Variants in CEP135 observed in about 807,000 individuals in gnomAD.
CEP135 encodes the protein centrosomal protein 135, also known as centrosomal protein of 135 kDa.
Under a neutral mutation model 157.3 loss-of-function variants are expected in CEP135, and 142 were observed. The ratio of observed to expected loss-of-function variants is 0.90; its 90% CI spans 0.79 to 1.04. The LOEUF (loss-of-function observed/expected upper bound fraction) is 1.04, where lower values mean the gene tolerates loss of function less well. CEP135 is among the 50% of genes least tolerant of loss of function. CEP135 has a pLI of 0.00. For synonymous variants in CEP135, 396 were observed against 439.8 expected, an observed-to-expected ratio of 0.90 and a Z score of 1.25; for missense variants, 1,317 against 1,309.2, an observed-to-expected ratio of 1.01 and a Z score of -0.09.
At position 55,980,084 on chromosome 4, in the gene CEP135, A is replaced by G. The variant is rs748302539; in HGVS notation, c.1474-59A>G. On this transcript the variant is annotated intron_variant, in intron 11 of 25. Transcript: ENST00000257287. The stretch of plus-strand genomic sequence containing the variant: ...GCATCTTTCAGTCAATCTCATCATC[A>G]GTATCCTTGTGACAACCATGTGGTG... 604 of 1,336,524 alleles carry G rather than the reference A, an allele frequency of 4.5e-4. 2 individuals carry two copies. The highest frequency in any genetic ancestry group is 6.1e-4 in the Non-Finnish European group (575 of 948,330). The allele number at this position is 1,336,524 out of a possible 1,614,324, so 82.8% of individuals were successfully genotyped here.
chr4:56,016,050 A>G (rs1175977266), intron 21 of CEP135, among the ~76,000 whole-genome samples: 1 of 152,214 alleles, frequency 6.6e-6, no homozygotes, highest in East Asian at 1.9e-4. Context: ...AACCTAGTGA[A>G]TGATGGGTGT....
chr4:55,991,865 A>G (rs1729809385), intron 14 of CEP135, 69 bp from the exon 15 acceptor site: 3 of 768,954 alleles, frequency 3.9e-6, no homozygotes, highest in Non-Finnish European at 5.8e-6. Flanking sequence ...ATATTATTAA[A>G]GAGTGCCTAA....
At chr4:55,994,480 A>G (rs1729900709) in intron 15 of CEP135, among the ~76,000 whole-genome samples, 1 of 151,932 alleles carries the variant, frequency 6.6e-6, no homozygotes, top group Admixed American at 6.6e-5. Context: ...CTAGGAGTTC[A>G]AGGCTACAGT....
chr4:56,021,286 A>C (rs1312951521), intron 24 of CEP135, among the ~76,000 whole-genome samples: 1 of 152,190 alleles, frequency 6.6e-6, no homozygotes, highest in East Asian at 1.9e-4. Context: ...TCCCACCAAC[A>C]ATCTATTATT....
At chr4:56,009,680 T>G (rs763505004) in intron 18 of CEP135, 55 bp from the exon 19 acceptor site, 65 of 1,481,346 alleles carry the variant, frequency 4.4e-5, no homozygotes, top group Non-Finnish European at 5.6e-5. Flanking sequence ...TTCTTTTAAA[T>G]GAACTACAGT....
At chr4:56,005,429 AAAAC>A (rs1482840732) in intron 17 of CEP135, among the ~76,000 whole-genome samples, 10 of 152,306 alleles carry the variant, frequency 6.6e-5, no homozygotes, top group African/African-American at 1.4e-4. Context: ...CAGTCTCTAA[AAAAC>A]AAACAAACAA....
chr4:56,019,319 G>C (rs1339784770), intron 22 of CEP135, 34 bp from the exon 23 acceptor site: 1 of 1,527,100 alleles, frequency 6.5e-7, no homozygotes, highest in South Asian at 1.2e-5. Flanking sequence ...GTTTAAAATT[G>C]TACTGAAGTA....
At chr4:56,005,180 C>T (rs1422964836) in intron 17 of CEP135, among the ~76,000 whole-genome samples, 4 of 152,248 alleles carry the variant, frequency 2.6e-5, no homozygotes, top group East Asian at 3.9e-4. Context: ...CATATTGGCT[C>T]ACACCTGTAA....
intron 8 of CEP135, 198 bp downstream of exon 8, chr4:55,966,057 G>A: frequency 1.9e-6 from 1 of 533,680 alleles, no homozygotes; most frequent in East Asian, 3.2e-5. Context: ...TTAGTTGTTT[G>A]AGTGTCTCTC....
At chr4:56,010,445 G>A (rs1219026936) in intron 19 of CEP135, among the ~76,000 whole-genome samples, 1 of 151,820 alleles carries the variant, frequency 6.6e-6, no homozygotes, top group Non-Finnish European at 1.5e-5. Flanking sequence ...TATATCACAG[G>A]GTGTCTAATG....
chr4:55,950,835 C>G (rs1344687646), intron 1 of CEP135, among the ~76,000 whole-genome samples: 1 of 151,896 alleles, frequency 6.6e-6, no homozygotes, highest in Non-Finnish European at 1.5e-5. Context: ...AGTAAATTCT[C>G]TAAATGTATA....
intron 13 of CEP135, among the ~76,000 whole-genome samples, chr4:55,984,809 T>C (rs1304639824): frequency 6.6e-6 from 1 of 152,224 alleles, no homozygotes; most frequent in Non-Finnish European, 1.5e-5. Context: ...CCTGTGTTTA[T>C]ACTGTTGACC....
chr4:55,955,054 T>G (rs1055797797), intron 4 of CEP135, among the ~76,000 whole-genome samples: 1 of 151,904 alleles, frequency 6.6e-6, no homozygotes, highest in South Asian at 2.1e-4. Flanking sequence ...GCACTCCAGC[T>G]TGGGTGATAG....
intron 25 of CEP135, among the ~76,000 whole-genome samples, chr4:56,025,775 A>G (rs17798452): frequency 0.024 from 3,649 of 152,268 alleles, 66 homozygotes; most frequent in Admixed American, 0.059. Flanking sequence ...GTATAATAAC[A>G]TTGAAAGCTA....
chr4:55,994,588 C>CATCTTCTTTTTCCCT (rs1363018905), intron 15 of CEP135, among the ~76,000 whole-genome samples: 3 of 152,118 alleles, frequency 2.0e-5, no homozygotes, highest in Admixed American at 6.5e-5. Flanking sequence ...CTGAGGTACC[C>CATCTTCTTTTTCCCT]ATCTTCTTTT....
chr4:55,988,632 C>T (rs1577889033), intron 14 of CEP135, among the ~76,000 whole-genome samples: 1 of 150,932 alleles, frequency 6.6e-6, no homozygotes, highest in African/African-American at 2.4e-5. Flanking sequence ...TGCACTTCAG[C>T]CTGGGTGACA....
intron 17 of CEP135, among the ~76,000 whole-genome samples, chr4:56,005,221 G>A (rs1173586041): frequency 6.6e-6 from 1 of 152,088 alleles, no homozygotes; most frequent in Non-Finnish European, 1.5e-5. Flanking sequence ...AAGATCAGAG[G>A]ATTGCTTGAG....
chr4:55,969,499 T>C (rs972101247), intron 9 of CEP135, among the ~76,000 whole-genome samples: 5 of 151,540 alleles, frequency 3.3e-5, no homozygotes, highest in African/African-American at 1.2e-4. Context: ...TGACAACCAC[T>C]AATCTACTTT....
chr4:56,019,562 G>A lies in CEP135; in HGVS notation c.3215+7G>A, dbSNP rs368716744. The A allele has an allele frequency of 1.1e-5, 18 of 1,596,034 alleles. No individual in the cohort carries two copies. The African/African-American group carries it at 2.3e-4, about 20-fold the overall frequency. On this transcript the variant is annotated splice_region_variant and intron_variant, in intron 23 of 25. Transcript: ENST00000257287. ...CCCTTTCTGAAAGCAAATTGTAAGT[G>A]TCTTAAGTCAACTTATGCAAAGACA...
Sources: allele counts gnomAD v4.1 joint callset (sites outside exome capture counted in the v4.1 genomes callset), GRCh38; gene constraint gnomAD v4.1.1; transcripts MANE v1.5; gene names NCBI Gene and HGNC (gene_info 2026-07-23, HGNC 2026-07-21).